ARHGAP24: variants seen among roughly 807,000 people sequenced by gnomAD.
ARHGAP24 encodes the protein rho GTPase-activating protein 24.
Under a neutral mutation model 76.4 loss-of-function variants are expected in ARHGAP24, and 50 were observed. The ratio of observed to expected loss-of-function variants is 0.65; its 90% CI spans 0.52 to 0.83. The LOEUF is 0.83. Among genes scored for constraint, ARHGAP24 ranks in the 40% least tolerant of loss-of-function variants. The pLI is 0.00. For missense variants in ARHGAP24, 930 were observed against 914.2 expected, an observed-to-expected ratio of 1.02 and a Z score of -0.22; for synonymous variants, 345 against 323.3, an observed-to-expected ratio of 1.07 and a Z score of -0.72.
chr4:85,616,853 C>T (rs1173728283), intron 2 of ARHGAP24, among the ~76,000 whole-genome samples: 1 of 152,040 alleles, frequency 6.6e-6, no homozygotes, highest in African/African-American at 2.4e-5. Context: ...GTCTTGAACT[C>T]CTGACCTTGG....
intron 1 of ARHGAP24, among the ~76,000 whole-genome samples, chr4:85,479,205 C>T (rs1722717089): frequency 1.3e-5 from 2 of 152,198 alleles, no homozygotes; most frequent in Admixed American, 1.3e-4. Context: ...TTCCATACCA[C>T]CCCACACATG....
intron 2 of ARHGAP24, among the ~76,000 whole-genome samples, chr4:85,664,474 A>T (rs1432622888): frequency 6.6e-6 from 1 of 150,978 alleles, no homozygotes; most frequent in African/African-American, 2.5e-5. Context: ...CCCTGGATTC[A>T]TTAATTTTTT....
intron 1 of ARHGAP24, among the ~76,000 whole-genome samples, chr4:85,553,684 A>G (rs562492270): frequency 1.3e-5 from 2 of 152,322 alleles, no homozygotes; most frequent in Admixed American, 6.5e-5. Flanking sequence ...CCGACCCAGA[A>G]GCCCAGCTGG....
At position 85,600,191 on chromosome 4, in the gene ARHGAP24, A is replaced by C. The variant is rs538544346; in HGVS notation, c.180+29470A>C. 2.6e-5 allele frequency among the ~76,000 whole-genome samples: 4 copies of C among 152,172 alleles called. No homozygotes were observed. In the South Asian group the frequency reaches 8.3e-4, roughly 32 times the overall value. On this transcript the variant is annotated intron_variant, in intron 2 of 9. Coordinates refer to ENST00000395184, the MANE Select transcript of ARHGAP24 (RefSeq NM_001025616.3). ...GCAAAGAACTTAGTGGGTTATGGGC[A>C]CTGAAAGGAGGTCAGTTTGGCTGAA...
At chr4:85,571,555 T>C (rs1478657631) in intron 2 of ARHGAP24, among the ~76,000 whole-genome samples, 1 of 152,226 alleles carries the variant, frequency 6.6e-6, no homozygotes, top group Non-Finnish European at 1.5e-5. Context: ...TATTTCCTCT[T>C]GTGTTAAAGA....
chr4:85,895,468 T>C (rs1252721913), intron 3 of ARHGAP24, among the ~76,000 whole-genome samples: 1 of 152,162 alleles, frequency 6.6e-6, no homozygotes, highest in Non-Finnish European at 1.5e-5. Context: ...TAAATGAACA[T>C]GGAATTCATT....
chr4:85,691,848 G>C (rs1723673400), intron 2 of ARHGAP24, among the ~76,000 whole-genome samples: 1 of 152,112 alleles, frequency 6.6e-6, no homozygotes, highest in Non-Finnish European at 1.5e-5. Context: ...TTCAGGGTTA[G>C]TATTTATATG....
intron 2 of ARHGAP24, among the ~76,000 whole-genome samples, chr4:85,583,608 A>G (rs552792703): frequency 6.6e-6 from 1 of 151,996 alleles, no homozygotes; most frequent in East Asian, 1.9e-4. Flanking sequence ...TAATTAAACT[A>G]AAGAGCTTCT....
chr4:85,610,451 CAAAAAAAAAAAAAAAAAAAA>C (rs57348830), intron 2 of ARHGAP24, among the ~76,000 whole-genome samples: 2 of 51,212 alleles, frequency 3.9e-5, no homozygotes, highest in Non-Finnish European at 6.4e-5. Context: ...ACTCCATCTA[CAAAAAAAAAAAAAAAAAAAA>C]AAAAAAAAAA....
At chr4:85,817,721 T>C (rs1729302972) in intron 3 of ARHGAP24, among the ~76,000 whole-genome samples, 1 of 152,184 alleles carries the variant, frequency 6.6e-6, no homozygotes, top group African/African-American at 2.4e-5. Context: ...TTAACTGGGG[T>C]ATTTAATACA....
chr4:86,001,659 C>A lies in ARHGAP24; in HGVS notation c.*937C>A. The stretch of plus-strand genomic sequence containing the variant: ...CGTGAGCACCTGTCTCCCACTCAAA[C>A]CTCTCCCATCTCCCAACAACTGCAC... On this transcript the variant is annotated 3_prime_UTR_variant, in exon 10 of 10. Coordinates refer to ENST00000395184, the MANE Select transcript of ARHGAP24 (RefSeq NM_001025616.3). The A allele has an allele frequency of 2.6e-6, 1 of 382,758 alleles. No individual in the cohort carries two copies. The highest frequency in any genetic ancestry group is 4.6e-6 in the Non-Finnish European group (1 of 216,812). 23.7% of individuals were successfully genotyped at this position (382,758 alleles called of 1,614,324 possible). A position where few individuals can be genotyped will look rare whatever the true frequency, so the allele number is the denominator to read the frequency against.
chr4:85,534,275 T>C (rs543118443), intron 1 of ARHGAP24, among the ~76,000 whole-genome samples: 24 of 143,268 alleles, frequency 1.7e-4, no homozygotes. Context: ...GATTATTGAG[T>C]GCCCTCTGTT....
At chr4:85,911,824 T>G (rs376846492) in intron 3 of ARHGAP24, among the ~76,000 whole-genome samples, 7 of 152,216 alleles carry the variant, frequency 4.6e-5, no homozygotes, top group African/African-American at 1.7e-4. Flanking sequence ...ATTCAGATTT[T>G]TATCCACTTA....
intron 5 of ARHGAP24, among the ~76,000 whole-genome samples, chr4:85,969,224 C>T (rs1317484408): frequency 6.6e-6 from 1 of 152,078 alleles, no homozygotes; most frequent in East Asian, 1.9e-4. Flanking sequence ...AAATGCTTCA[C>T]TTCATTAAAA....
chr4:85,514,814 T>C, intron 1 of ARHGAP24, among the ~76,000 whole-genome samples: 1 of 36,794 alleles, frequency 2.7e-5, no homozygotes. Flanking sequence ...TTACTCTAAA[T>C]TGTAAAAAAA....
In ARHGAP24 at chr4:85,984,892, G is replaced by A. The variant is rs190620452; in HGVS notation, c.928+7201G>A. 1.4e-3 allele frequency among the ~76,000 whole-genome samples: 206 copies of A among 152,080 alleles called. 1 individual carries two copies. The highest frequency in any genetic ancestry group is 4.0e-3 in the African/African-American group (165 of 41,482). On this transcript the variant is annotated intron_variant, in intron 8 of 9. Transcript: ENST00000395184. ...GGCTGGAAGGCAGTGGTGCAATCTC[G>A]GACACAGCAACCTCCACCTCCCAGG...
At chr4:85,678,990 C>T (rs1339353419) in intron 2 of ARHGAP24, among the ~76,000 whole-genome samples, 4 of 152,112 alleles carry the variant, frequency 2.6e-5, no homozygotes, top group Admixed American at 2.0e-4. Context: ...AAAAGATATT[C>T]AAATTTATTG....
rs189046247 is a variant in ARHGAP24 at position 85,977,946 on chromosome 4, A to G, written c.928+255A>G. ...AGAATAAATGAAACCTTCATAAATC[A>G]TATGTAAAGTATTCAAGAACTGAAA... On this transcript the variant is annotated intron_variant, in intron 8 of 9. Coordinates refer to ENST00000395184, the MANE Select transcript of ARHGAP24 (RefSeq NM_001025616.3). 1.4e-3 allele frequency among the ~76,000 whole-genome samples: 214 copies of G among 152,370 alleles called. 1 individual carries two copies. The highest frequency in any genetic ancestry group is 4.2e-3 in the African/African-American group (175 of 41,602).
Position 85,922,358 on chromosome 4 carries a change from T to C in ARHGAP24, c.269-1290T>C, listed in dbSNP as rs1037398972. Among the ~76,000 whole-genome samples, 8 of 152,172 alleles carry C rather than the reference T, an allele frequency of 5.3e-5. No individual in the cohort carries two copies. The South Asian group carries it at 6.2e-4, about 12-fold the overall frequency. On this transcript the variant is annotated intron_variant, in intron 3 of 9. Transcript: ENST00000395184. ...CTTTCAGAACTATGTGTGGACCAGA[T>C]TGAGTGTGAAATAATAGTGGGTGTG...
Sources: allele counts gnomAD v4.1 joint callset (sites outside exome capture counted in the v4.1 genomes callset), GRCh38; gene constraint gnomAD v4.1.1; transcripts MANE v1.5; gene names NCBI Gene and HGNC (gene_info 2026-07-23, HGNC 2026-07-21).